Variants in SMCO2 observed in about 807,000 individuals in gnomAD.
SMCO2 encodes single-pass membrane and coiled-coil domain-containing protein 2.
SMCO2 carries 25 observed loss-of-function variants against 29.5 expected under a neutral mutation model. The observed-to-expected ratio is 0.85, with a 90% confidence interval of 0.62 to 1.18. The LOEUF is 1.18. SMCO2 is among the 50% of genes most tolerant of loss of function. The probability of loss-of-function intolerance (pLI) is 0.00; values close to 1 mark genes in which losing one functional copy is unlikely to be tolerated. For synonymous variants in SMCO2, 117 were observed against 123.3 expected (o/e 0.95, Z 0.34); for missense variants, 348 against 344.5 (o/e 1.01, Z -0.08).
At chr12:27,441,441 T>C in the SMCO2 span, among the ~76,000 whole-genome samples, 1,708 of 152,278 alleles carry the variant, frequency 0.011, 9 homozygotes, top group Non-Finnish European at 0.018. Flanking sequence ...ACTATACTTA[T>C]ATCAGATAAA....
the SMCO2 span, among the ~76,000 whole-genome samples, chr12:27,432,275 A>G: frequency 6.6e-6 from 1 of 152,106 alleles, no homozygotes; most frequent in African/African-American, 2.4e-5. Context: ...ATGCAGTCCT[A>G]CTTGTCTATT....
At chr12:27,470,627 A>G in exon 2 of SMCO2, 1 of 1,550,782 alleles carries the variant, frequency 6.4e-7, no homozygotes, top group Non-Finnish European at 8.7e-7. Flanking sequence ...TACAGTGCCG[A>G]AGAAATGGCT....
chr12:27,481,751 C>T (rs1949645093), intron 4 of SMCO2, among the ~76,000 whole-genome samples: 1 of 152,050 alleles, frequency 6.6e-6, no homozygotes, highest in Non-Finnish European at 1.5e-5. Context: ...AACAATGTGC[C>T]CATTTTATCA....
chr12:27,459,621 T>TA, the SMCO2 span, among the ~76,000 whole-genome samples: 1 of 152,222 alleles, frequency 6.6e-6, no homozygotes, highest in African/African-American at 2.4e-5. Flanking sequence ...GAACCAAAAA[T>TA]AAAAGTTAAA....
Position 27,472,887 on chromosome 12 carries a change from AAAATGGGTAAGAG to A in SMCO2, c.234+14_234+26del. 1 of 1,541,682 alleles carries A rather than the reference AAAATGGGTAAGAG, an allele frequency of 6.5e-7. No homozygotes were observed. ...ACTTCCTTCACAAGGTAGACACTGA[AAAATGGGTAAGAG>A]AGACACTTAAATGACACAGTAGGTT... is the stretch of plus-strand genomic sequence containing the variant. On this transcript the variant is annotated intron_variant, in intron 3 of 7. Transcript: ENST00000298876.
chr12:27,452,100 G>C, the SMCO2 span, among the ~76,000 whole-genome samples: 1 of 152,186 alleles, frequency 6.6e-6, no homozygotes, highest in Non-Finnish European at 1.5e-5. Context: ...TAATCATACT[G>C]AGGAATGAAG....
At chr12:27,492,726 A>G (rs1321922934) in intron 5 of SMCO2, among the ~76,000 whole-genome samples, 1 of 151,760 alleles carries the variant, frequency 6.6e-6, no homozygotes, top group Non-Finnish European at 1.5e-5. Context: ...ACTTATACAC[A>G]GTGGGTGGGA....
the SMCO2 span, among the ~76,000 whole-genome samples, chr12:27,430,853 A>G: frequency 2.0e-5 from 3 of 152,102 alleles, no homozygotes; most frequent in Non-Finnish European, 4.4e-5. Flanking sequence ...ACCGCTCATA[A>G]GCAGTGGAGT....
chr12:27,492,692 G>T (rs1942935364), intron 5 of SMCO2, among the ~76,000 whole-genome samples: 1 of 152,210 alleles, frequency 6.6e-6, no homozygotes, highest in African/African-American at 2.4e-5. Context: ...ACAGATGTTG[G>T]CCAGGTTGTG....
At chr12:27,428,558 CTT>C in the SMCO2 span, among the ~76,000 whole-genome samples, 1 of 143,252 alleles carries the variant, frequency 7.0e-6, no homozygotes, top group Non-Finnish European at 1.5e-5. Context: ...TCTTGGCCAC[CTT>C]TTTTTTTTTT....
At chr12:27,477,635 T>A (rs1371585618) in intron 4 of SMCO2, among the ~76,000 whole-genome samples, 2 of 61,354 alleles carry the variant, frequency 3.3e-5, no homozygotes, top group Non-Finnish European at 5.7e-5. Flanking sequence ...TTTTTCATTC[T>A]TTTTTTTTTT....
At chr12:27,456,912 G>A in the SMCO2 span, among the ~76,000 whole-genome samples, 1 of 152,168 alleles carries the variant, frequency 6.6e-6, no homozygotes, top group Non-Finnish European at 1.5e-5. Context: ...AGCCGCAGAG[G>A]CATTAGATTC....
chr12:27,440,149 A>C, the SMCO2 span, among the ~76,000 whole-genome samples: 2 of 152,242 alleles, frequency 1.3e-5, no homozygotes, highest in East Asian at 3.8e-4. Context: ...ATCTGGCCAC[A>C]GACCTCTCAA....
At chr12:27,475,830 C>T (rs903340130) in intron 4 of SMCO2, 99 bp downstream of exon 5, 1 of 1,147,396 alleles carries the variant, frequency 8.7e-7, no homozygotes, top group Non-Finnish European at 1.1e-6. Context: ...AGTCTTTAGG[C>T]CATAGGTATA....
At chr12:27,431,932 TG>T in the SMCO2 span, among the ~76,000 whole-genome samples, 1 of 152,218 alleles carries the variant, frequency 6.6e-6, no homozygotes, top group Non-Finnish European at 1.5e-5. Context: ...TTATAACTCT[TG>T]TTATACTCCT....
intron 3 of SMCO2, among the ~76,000 whole-genome samples, chr12:27,473,386 T>G (rs1006268283): frequency 6.6e-6 from 1 of 152,118 alleles, no homozygotes; most frequent in Non-Finnish European, 1.5e-5. Flanking sequence ...TCTCTTTGTC[T>G]GTCTTCTCCT....
chr12:27,427,506 C>A, the SMCO2 span, among the ~76,000 whole-genome samples: 3 of 152,106 alleles, frequency 2.0e-5, no homozygotes, highest in Non-Finnish European at 4.4e-5. Context: ...GGAGGCCTAC[C>A]TACTTATTTT....
rs571142111 is a variant in SMCO2, at chr12:27,472,825, G to A, written c.184G>A (p.Asp62Asn). Residue 62 changes from aspartate to asparagine, a missense_variant, in exon 3 of 8, where the codon GAT becomes AAT. By Grantham distance (23) the Asp-to-Asn change is conservative. Coordinates refer to ENST00000298876, the Ensembl canonical transcript of SMCO2. ...GGACCACATCTTAGACAGATCGGAT[G>A]ATGAGGATGACATTTCCTCCGAAAA... The A allele has an allele frequency of 6.4e-7, 1 of 1,550,846 alleles. No individual in the cohort carries two copies. The highest frequency in any genetic ancestry group is 8.7e-7 in the Non-Finnish European group (1 of 1,146,462).
chr12:27,457,238 C>T, the SMCO2 span, among the ~76,000 whole-genome samples: 4 of 152,078 alleles, frequency 2.6e-5, no homozygotes, highest in African/African-American at 7.2e-5. Flanking sequence ...TGAAGGCCTG[C>T]GATCTGTGCA....
Sources: allele counts gnomAD v4.1 joint callset (sites outside exome capture counted in the v4.1 genomes callset), GRCh38; gene constraint gnomAD v4.1.1; transcripts MANE v1.5; gene names NCBI Gene and HGNC (gene_info 2026-07-23, HGNC 2026-07-21).